RORB: variants seen among roughly 807,000 people sequenced by gnomAD.
RORB encodes RAR related orphan receptor B.
In RORB, 6 loss-of-function variants were observed where a neutral mutation model predicts 59.1. That is an observed-to-expected ratio of 0.10 (90% confidence interval 0.06 to 0.20). The LOEUF (loss-of-function observed/expected upper bound fraction) is 0.20. RORB is among the 10% of genes least tolerant of loss of function. RORB has a pLI of 1.00. For synonymous variants in RORB, 215 were observed against 204.5 expected, an observed-to-expected ratio of 1.05 and a Z score of -0.44; for missense variants, 320 against 560.5, an observed-to-expected ratio of 0.57 and a Z score of 4.33.
intron 8 of RORB, 36 bp from the exon 9 acceptor site, chr9:74,671,753 A>G: frequency 7.5e-7 from 1 of 1,330,208 alleles, no homozygotes; most frequent in South Asian, 1.2e-5. Flanking sequence ...AACAAAGTTG[A>G]TGTTCCCTCC....
intron 1 of RORB, among the ~76,000 whole-genome samples, chr9:74,502,369 T>C (rs970206113): frequency 6.6e-6 from 1 of 152,086 alleles, no homozygotes; most frequent in African/African-American, 2.4e-5. Context: ...TACGATTTGA[T>C]ACAAAAAGCT....
chr9:74,686,352 A>G lies in RORB; in HGVS notation c.*734A>G, dbSNP rs574637855. The G allele has an allele frequency of 2.0e-5, 3 of 152,746 alleles. No individual in the cohort carries two copies. The highest frequency in any genetic ancestry group is 4.1e-4 in the South Asian group (2 of 4,832). The allele number at this position is 152,746 out of a possible 1,614,324, so 9.5% of individuals were successfully genotyped here. A position where few individuals can be genotyped will look rare whatever the true frequency, so the allele number is the denominator to read the frequency against. On this transcript the variant is annotated 3_prime_UTR_variant, in exon 10 of 10. Coordinates refer to ENST00000376896, the MANE Select transcript of RORB (RefSeq NM_006914.4). ...GGAATAAACATAATGTGTGGCCTCT[A>G]TATACAAACTCTATTTCTGTCAATG...
chr9:74,657,131 C>T (rs993437993), intron 4 of RORB, among the ~76,000 whole-genome samples: 1 of 152,198 alleles, frequency 6.6e-6, no homozygotes, highest in Non-Finnish European at 1.5e-5. Context: ...CTGCAACTTC[C>T]GACTCCCTGC....
At chr9:74,632,066 G>A (rs548541112) in intron 2 of RORB, among the ~76,000 whole-genome samples, 11 of 152,282 alleles carry the variant, frequency 7.2e-5, no homozygotes, top group Middle Eastern at 6.8e-3. Flanking sequence ...TCAAAATGGA[G>A]ATGTTTGGCA....
At chr9:74,620,599 G>C (rs2118384521) in intron 1 of RORB, among the ~76,000 whole-genome samples, 1 of 152,194 alleles carries the variant, frequency 6.6e-6, no homozygotes, top group Admixed American at 6.5e-5. Context: ...TTTTGAATGT[G>C]TTTGCTCTTG....
intron 1 of RORB, among the ~76,000 whole-genome samples, chr9:74,607,445 A>G (rs1823165192): frequency 1.3e-5 from 2 of 152,166 alleles, no homozygotes; most frequent in Non-Finnish European, 2.9e-5. Flanking sequence ...TTGGGGGACT[A>G]CAGATGTGTT....
intron 1 of RORB, among the ~76,000 whole-genome samples, chr9:74,621,902 A>C (rs1415036150): frequency 6.6e-6 from 1 of 152,176 alleles, no homozygotes; most frequent in Non-Finnish European, 1.5e-5. Flanking sequence ...ATATTTTGCC[A>C]CTTTTTGAAT....
intron 1 of RORB, among the ~76,000 whole-genome samples, chr9:74,575,667 C>G (rs1214866332): frequency 6.6e-6 from 1 of 152,002 alleles, no homozygotes; most frequent in Non-Finnish European, 1.5e-5. Context: ...ACTACTAGAG[C>G]TCACAAGGCA....
intron 1 of RORB, among the ~76,000 whole-genome samples, chr9:74,521,659 A>G (rs1163082707): frequency 6.6e-6 from 1 of 151,836 alleles, no homozygotes; most frequent in Non-Finnish European, 1.5e-5. Flanking sequence ...AAACTTATTG[A>G]GCAAGTGACA....
At chr9:74,523,697 A>G (rs1399218959) in intron 1 of RORB, among the ~76,000 whole-genome samples, 2 of 151,962 alleles carry the variant, frequency 1.3e-5, no homozygotes, top group African/African-American at 2.4e-5. Flanking sequence ...CTTTTTCCAA[A>G]CTAGCTTTAA....
chr9:74,582,793 G>T (rs1463915987), intron 1 of RORB, among the ~76,000 whole-genome samples: 1 of 152,122 alleles, frequency 6.6e-6, no homozygotes, highest in Non-Finnish European at 1.5e-5. Flanking sequence ...GCCTCAGAAG[G>T]CATATTAGCT....
At chr9:74,656,217 T>C (rs1222763954) in intron 4 of RORB, among the ~76,000 whole-genome samples, 1 of 152,146 alleles carries the variant, frequency 6.6e-6, no homozygotes, top group African/African-American at 2.4e-5. Flanking sequence ...TCAGCGTTGG[T>C]TGAGCACCTA....
chr9:74,658,129 C>A (rs189377358), intron 4 of RORB, among the ~76,000 whole-genome samples: 2 of 151,752 alleles, frequency 1.3e-5, no homozygotes, highest in South Asian at 2.1e-4. Flanking sequence ...TATATGAAGG[C>A]ATTATGCTGG....
intron 1 of RORB, among the ~76,000 whole-genome samples, chr9:74,513,449 A>G (rs186850734): frequency 2.0e-5 from 3 of 152,234 alleles, no homozygotes; most frequent in Admixed American, 2.0e-4. Flanking sequence ...AACCTAATAA[A>G]TATAACATTT....
chr9:74,611,946 A>G (rs1004379076), intron 1 of RORB, among the ~76,000 whole-genome samples: 2 of 152,116 alleles, frequency 1.3e-5, no homozygotes, highest in Admixed American at 1.3e-4. Context: ...CACCATGCCC[A>G]GCCAACTCCA....
At position 74,595,001 on chromosome 9, in the gene RORB, C is replaced by T. The variant is rs185309998; in HGVS notation, c.8-35281C>T. ...TCCCTTTTTAGTGGATGATAAAACC[C>T]AGGCCCTAAGGATGAAAACCATCCT... is the stretch of plus-strand genomic sequence containing the variant. On this transcript the variant is annotated intron_variant, in intron 1 of 9. Transcript: ENST00000376896. Among the ~76,000 whole-genome samples, 251 of 152,240 alleles carry T rather than the reference C, an allele frequency of 1.6e-3. 2 individuals are homozygous for T. Among genetic ancestry groups the T allele is most frequent in the African/African-American group, 5.3e-3 (221 of 41,548 alleles).
chr9:74,561,004 C>T (rs1238043421), intron 1 of RORB, among the ~76,000 whole-genome samples: 1 of 152,090 alleles, frequency 6.6e-6, no homozygotes, highest in Non-Finnish European at 1.5e-5. Context: ...AGCAGTTATT[C>T]CTCCCAGCTC....
At chr9:74,651,894 AGAAAG>A (rs1473530462) in intron 4 of RORB, among the ~76,000 whole-genome samples, 1 of 152,226 alleles carries the variant, frequency 6.6e-6, no homozygotes, top group Non-Finnish European at 1.5e-5. Flanking sequence ...ACTGATTTCA[AGAAAG>A]GAAACTGTAA....
At chr9:74,623,821 T>C (rs981211156) in intron 1 of RORB, among the ~76,000 whole-genome samples, 1 of 152,180 alleles carries the variant, frequency 6.6e-6, no homozygotes, top group African/African-American at 2.4e-5. Context: ...AGTTATCCCA[T>C]TATAATTAAA....
Sources: allele counts gnomAD v4.1 joint callset (sites outside exome capture counted in the v4.1 genomes callset), GRCh38; gene constraint gnomAD v4.1.1; transcripts MANE v1.5; gene names NCBI Gene and HGNC (gene_info 2026-07-23, HGNC 2026-07-21).